Variants in MRPL13 observed in about 807,000 individuals in gnomAD.
MRPL13 encodes the protein mitochondrial ribosomal protein L13, also known as large ribosomal subunit protein uL13m.
A neutral mutation model predicts 29.0 loss-of-function variants in MRPL13; 33 were observed. That is an observed-to-expected ratio of 1.14 (90% CI 0.86 to 1.52). MRPL13 has a LOEUF of 1.52. Ranked by LOEUF, MRPL13 falls within the 40% of genes most tolerant of loss-of-function variation. The probability of loss-of-function intolerance (pLI) is 0.00; values close to 1 mark genes in which losing one functional copy is unlikely to be tolerated. For synonymous variants in MRPL13, 77 were observed against 68.4 expected (o/e 1.13, Z -0.62); for missense variants, 227 against 216.7 (o/e 1.05, Z -0.30).
intron 5 of MRPL13, chr8:120,415,992 T>C (rs1812798017): frequency 6.6e-6 from 1 of 152,220 alleles, no homozygotes; most frequent in Non-Finnish European, 1.5e-5. Flanking sequence ...TAATGTTTGC[T>C]GAATGGAATA....
chr8:120,409,405 G>A (rs998989633), intron 6 of MRPL13, among the ~76,000 whole-genome samples: 6 of 152,068 alleles, frequency 3.9e-5, no homozygotes, highest in Non-Finnish European at 8.8e-5. Context: ...CTTACAATGA[G>A]CATGATTAAT....
chr8:120,435,986 T>G (rs1004255587), intron 2 of MRPL13, among the ~76,000 whole-genome samples: 1 of 152,146 alleles, frequency 6.6e-6, no homozygotes, highest in Non-Finnish European at 1.5e-5. Flanking sequence ...GTTTTTTGCT[T>G]GTAAATTTGT....
intron 6 of MRPL13, among the ~76,000 whole-genome samples, chr8:120,399,922 A>T (rs193096787): frequency 1.3e-5 from 2 of 152,038 alleles, no homozygotes; most frequent in Non-Finnish European, 2.9e-5. Flanking sequence ...AAAGGGTTCA[A>T]TTCAAGAGTT....
intron 6 of MRPL13, among the ~76,000 whole-genome samples, chr8:120,413,191 A>C (rs1382014088): frequency 1.3e-5 from 2 of 152,226 alleles, no homozygotes; most frequent in African/African-American, 4.8e-5. Flanking sequence ...AAAGCTGATA[A>C]AAGTCTTAAT....
chr8:120,400,499 CACT>C (rs1282747228), intron 6 of MRPL13, among the ~76,000 whole-genome samples: 5 of 151,988 alleles, frequency 3.3e-5, no homozygotes, highest in African/African-American at 1.2e-4. Flanking sequence ...AAATTTGTAG[CACT>C]AAATGCCCAC....
intron 6 of MRPL13, among the ~76,000 whole-genome samples, chr8:120,402,531 C>T (rs2130451061): frequency 6.6e-6 from 1 of 152,196 alleles, no homozygotes; most frequent in South Asian, 2.1e-4. Context: ...AATGTAAAAC[C>T]CCAAACTATA....
intron 6 of MRPL13, among the ~76,000 whole-genome samples, chr8:120,398,028 A>G (rs1812543849): frequency 6.6e-6 from 1 of 152,232 alleles, no homozygotes; most frequent in African/African-American, 2.4e-5. Context: ...GGGGTGGCCA[A>G]CATCTAAGCA....
intron 2 of MRPL13, among the ~76,000 whole-genome samples, chr8:120,439,077 CAT>C (rs1813086831): frequency 6.6e-6 from 1 of 152,216 alleles, no homozygotes; most frequent in African/African-American, 2.4e-5. Context: ...AATCAATACT[CAT>C]AGTGCTTTTG....
intron 3 of MRPL13, among the ~76,000 whole-genome samples, chr8:120,426,988 C>A (rs762253170): frequency 6.6e-6 from 1 of 151,934 alleles, no homozygotes; most frequent in Non-Finnish European, 1.5e-5. Flanking sequence ...TTCAACCAAC[C>A]CCTAAAAAAT....
intron 4 of MRPL13, among the ~76,000 whole-genome samples, chr8:120,421,480 G>A (rs1301707209): frequency 6.6e-6 from 1 of 151,594 alleles, no homozygotes; most frequent in Non-Finnish European, 1.5e-5. Context: ...TCTCCGATAG[G>A]CCACACACAG....
At chr8:120,439,944 T>A (rs1180532128) in intron 2 of MRPL13, among the ~76,000 whole-genome samples, 1 of 152,252 alleles carries the variant, frequency 6.6e-6, no homozygotes, top group Non-Finnish European at 1.5e-5. Flanking sequence ...TTTCTTCATT[T>A]TCACAACTGG....
At chr8:120,428,654 C>T (rs1274132984) in intron 3 of MRPL13, among the ~76,000 whole-genome samples, 1 of 151,702 alleles carries the variant, frequency 6.6e-6, no homozygotes, top group Admixed American at 6.6e-5. Context: ...AAAAACAAAC[C>T]CCATTAAAAA....
intron 6 of MRPL13, 42 bp downstream of exon 6, chr8:120,413,949 G>C: frequency 1.4e-6 from 2 of 1,462,640 alleles, no homozygotes; most frequent in Non-Finnish European, 9.0e-7. Context: ...GGAAACAGAG[G>C]ATATCAAAAG....
chr8:120,397,646 T>A (rs1812540202), intron 6 of MRPL13, among the ~76,000 whole-genome samples: 2 of 152,156 alleles, frequency 1.3e-5, no homozygotes, highest in Non-Finnish European at 2.9e-5. Flanking sequence ...CCATCCCTCC[T>A]CACTGGGTGG....
At chr8:120,413,688 C>T (rs897342087) in intron 6 of MRPL13, among the ~76,000 whole-genome samples, 7 of 152,142 alleles carry the variant, frequency 4.6e-5, no homozygotes, top group African/African-American at 1.2e-4. Context: ...AGAATCATTA[C>T]GTTTTAGATT....
chr8:120,437,717 G>A (rs1054906260), intron 2 of MRPL13, among the ~76,000 whole-genome samples: 3 of 151,922 alleles, frequency 2.0e-5, no homozygotes, highest in Non-Finnish European at 2.9e-5. Context: ...ATGAAAAGTC[G>A]GTTTCCACAA....
intron 6 of MRPL13, among the ~76,000 whole-genome samples, chr8:120,408,796 A>C (rs746057642): frequency 2.0e-5 from 3 of 152,220 alleles, no homozygotes; most frequent in Non-Finnish European, 2.9e-5. Context: ...AGTAAATCTG[A>C]AAATGGGTAG....
At chr8:120,419,818 G>T in intron 5 of MRPL13, 34 bp downstream of exon 5, 2 of 1,486,566 alleles carry the variant, frequency 1.3e-6, no homozygotes, top group South Asian at 1.3e-5. Flanking sequence ...TGAAAATTTT[G>T]GAAAAGCATT....
intron 3 of MRPL13, among the ~76,000 whole-genome samples, chr8:120,428,251 C>T (rs1373541722): frequency 6.6e-6 from 1 of 151,990 alleles, no homozygotes; most frequent in African/African-American, 2.4e-5. Flanking sequence ...AGAAAGGATT[C>T]CCTGTTCAAT....
Sources: allele counts gnomAD v4.1 joint callset (sites outside exome capture counted in the v4.1 genomes callset), GRCh38; gene constraint gnomAD v4.1.1; transcripts MANE v1.5; gene names NCBI Gene and HGNC (gene_info 2026-07-23, HGNC 2026-07-21).